The following CPLX2 variants were observed in gnomAD, a reference collection of about 807,000 sequenced individuals.
CPLX2 encodes the protein complexin-2.
CPLX2 carries 5 observed loss-of-function variants against 16.3 expected under a neutral mutation model. The ratio of observed to expected loss-of-function variants is 0.31; its 90% CI spans 0.16 to 0.64. The LOEUF is 0.64. Among genes scored for constraint, CPLX2 ranks in the 30% least tolerant of loss-of-function variants. The pLI is 0.79. For missense variants in CPLX2, 144 were observed against 181.4 expected (o/e 0.79, Z 1.18); for synonymous variants, 89 against 73.2 (o/e 1.22, Z -1.10).
At position 175,849,358 on chromosome 5, in the gene CPLX2, G is replaced by A. The variant is rs942650476; in HGVS notation, c.-88-29294G>A. 2.0e-5 allele frequency among the ~76,000 whole-genome samples: 3 copies of A among 152,200 alleles called. No homozygotes were observed. The highest frequency in any genetic ancestry group is 2.9e-5 in the Non-Finnish European group (2 of 68,042). On this transcript the variant is annotated intron_variant, in intron 2 of 4. Transcript: ENST00000359546. This position sits in a 1 kb window ranked among gnomAD's most constrained non-coding sequence, Gnocchi z 4.4. ...GTGAGTTTCGCAACACTGGACGTCC[G>A]TGTATACTTTCCTGGGACTGATGTC... is the stretch of plus-strand genomic sequence containing the variant.
At chr5:175,844,433 A>G (rs1759004606) in intron 2 of CPLX2, among the ~76,000 whole-genome samples, 1 of 152,258 alleles carries the variant, frequency 6.6e-6, no homozygotes, top group Non-Finnish European at 1.5e-5. Flanking sequence ...AGGGACAGAC[A>G]AGAGCCTGCT....
intron 1 of CPLX2, among the ~76,000 whole-genome samples, chr5:175,803,088 C>T (rs776843732): frequency 5.9e-5 from 9 of 152,064 alleles, no homozygotes; most frequent in East Asian, 1.9e-4. Context: ...TGCTGGGATC[C>T]GAAGTGCTGG....
At chr5:175,821,277 A>C (rs1465552) in intron 2 of CPLX2, among the ~76,000 whole-genome samples, 56 of 152,110 alleles carry the variant, frequency 3.7e-4, no homozygotes, top group African/African-American at 1.3e-3. Context: ...CTCCCTTCTC[A>C]GGCCTCCACC....
At chr5:175,827,120 G>A (rs1404382733) in intron 2 of CPLX2, among the ~76,000 whole-genome samples, 1 of 152,186 alleles carries the variant, frequency 6.6e-6, no homozygotes, top group Non-Finnish European at 1.5e-5. Context: ...AAAAGTTCCA[G>A]AACTGAGTCT....
At chr5:175,807,424 G>A (rs1335410741) in intron 1 of CPLX2, among the ~76,000 whole-genome samples, 1 of 152,206 alleles carries the variant, frequency 6.6e-6, no homozygotes, top group East Asian at 1.9e-4. Flanking sequence ...CCTGCACACA[G>A]GTGGCCCCAC....
At position 175,798,018 on chromosome 5, in the gene CPLX2, C is replaced by T. The variant is rs530006512; in HGVS notation, c.-169+1234C>T. Among the ~76,000 whole-genome samples the T allele has an allele frequency of 7.9e-5, 12 of 152,300 alleles. No homozygotes were observed. The East Asian group carries it at 2.3e-3, about 29-fold the overall frequency. ...CAAGGCCTAGGGGGCAGGGGTGATT[C>T]GCCCAAGGTCACTCAGCAATTTAGT... On this transcript the variant is annotated intron_variant, in intron 1 of 4. Coordinates refer to the CPLX2 transcript ENST00000359546.
Position 175,834,736 on chromosome 5 carries a change from T to C in CPLX2, c.-89+25668T>C, listed in dbSNP as rs185902513. 1.4e-4 allele frequency among the ~76,000 whole-genome samples: 21 copies of C among 152,280 alleles called. No homozygotes were observed. The East Asian group carries it at 2.5e-3, about 18-fold the overall frequency. On this transcript the variant is annotated intron_variant, in intron 2 of 4. Coordinates refer to the CPLX2 transcript ENST00000359546. Reference sequence around the variant, plus strand: ...AAAAATACAAAAAATTAGCCAGGCATCATGGCGGGAGTCTGTAGTCCCAGC... The same window carrying C: ...AAAAATACAAAAAATTAGCCAGGCACCATGGCGGGAGTCTGTAGTCCCAGC...
At chr5:175,800,510 G>A (rs1215971904) in intron 1 of CPLX2, among the ~76,000 whole-genome samples, 2 of 151,134 alleles carry the variant, frequency 1.3e-5, no homozygotes, top group East Asian at 1.9e-4. Flanking sequence ...CAAGTGCCTT[G>A]TTCTGGGAGT....
chr5:175,844,763 G>T (rs1204263116), intron 2 of CPLX2, among the ~76,000 whole-genome samples: 1 of 152,236 alleles, frequency 6.6e-6, no homozygotes, highest in African/African-American at 2.4e-5. Flanking sequence ...GTTTTTAAAA[G>T]CAGGGCGTGG....
intron 2 of CPLX2, among the ~76,000 whole-genome samples, chr5:175,832,294 C>T (rs1030011923): frequency 6.6e-6 from 1 of 152,166 alleles, no homozygotes; most frequent in Admixed American, 6.5e-5. Context: ...TCATTGAGCA[C>T]CATGCTTGCA....
Position 175,845,926 on chromosome 5 carries a change from C to A in CPLX2, c.-88-32726C>A, listed in dbSNP as rs1024862378. Among the ~76,000 whole-genome samples, 4 of 152,090 alleles carry A rather than the reference C, an allele frequency of 2.6e-5. No homozygotes were observed. The highest frequency in any genetic ancestry group is 5.9e-5 in the Non-Finnish European group (4 of 68,006). On this transcript the variant is annotated intron_variant, in intron 2 of 4. Coordinates refer to the CPLX2 transcript ENST00000359546. The surrounding 1 kb of genome is among the most constrained non-coding windows in gnomAD (Gnocchi z 4.0). ...CATTTGTGTTCCTCCTGGCTTCCAC[C>A]CCTCTGGCTTCATCCCCAGCAATCT...
In CPLX2 at chr5:175,851,955, G is replaced by T. The variant is rs77095886; in HGVS notation, c.-88-26697G>T. Among the ~76,000 whole-genome samples, 368 of 152,364 alleles carry T rather than the reference G, an allele frequency of 2.4e-3. 2 individuals are homozygous for T. Among genetic ancestry groups the T allele is most frequent in the Non-Finnish European group, 4.0e-3 (275 of 68,030 alleles). Reference sequence around the variant, plus strand: ...AGCCCTTCTCTTGGGCAGCCCCTGGGACGGGCTATTTCTGCACCGTGTTTC... The same window carrying T: ...AGCCCTTCTCTTGGGCAGCCCCTGGTACGGGCTATTTCTGCACCGTGTTTC... On this transcript the variant is annotated intron_variant, in intron 2 of 4. Coordinates refer to the CPLX2 transcript ENST00000359546.
chr5:175,832,080 TC>T (rs1470133204), intron 2 of CPLX2, among the ~76,000 whole-genome samples: 1 of 152,210 alleles, frequency 6.6e-6, no homozygotes, highest in Non-Finnish European at 1.5e-5. Context: ...ATTTATTCAT[TC>T]CTTTAGCAAA....
rs1229347235 is a variant in CPLX2 at position 175,809,039 on chromosome 5, C to T, written c.-118C>T. 2 of 152,454 alleles carry T rather than the reference C, an allele frequency of 1.3e-5. No homozygotes were observed. The highest frequency in any genetic ancestry group is 6.5e-5 in the Admixed American group (1 of 15,288). 9.4% of individuals were successfully genotyped at this position (152,454 alleles called of 1,614,324 possible). A position where few individuals can be genotyped will look rare whatever the true frequency, so the allele number is the denominator to read the frequency against. Reference sequence around the variant, plus strand: ...CTGCTCTGCTCAGCGACTGAAGGTGCCCGCATCCCAGCTCTGCCAGGAAGC... The same window carrying T: ...CTGCTCTGCTCAGCGACTGAAGGTGTCCGCATCCCAGCTCTGCCAGGAAGC... On this transcript the variant is annotated 5_prime_UTR_variant, in exon 2 of 5. Transcript: ENST00000359546. The surrounding 1 kb of genome is among the most constrained non-coding windows in gnomAD (Gnocchi z 4.4).
intron 2 of CPLX2, among the ~76,000 whole-genome samples, chr5:175,860,867 C>T (rs1759360550): frequency 1.3e-5 from 2 of 152,108 alleles, no homozygotes; most frequent in Non-Finnish European, 2.9e-5. Context: ...CCAGGCAACA[C>T]TAGACAGGTC....
chr5:175,851,526 C>G (rs1380667261), intron 2 of CPLX2, among the ~76,000 whole-genome samples: 1 of 152,232 alleles, frequency 6.6e-6, no homozygotes, highest in East Asian at 1.9e-4. Context: ...CAGACCTCAG[C>G]TTTCCCACCT....
chr5:175,868,160 A>G (rs192137025), upstream of CPLX2, among the ~76,000 whole-genome samples: 1 of 152,342 alleles, frequency 6.6e-6, no homozygotes, highest in East Asian at 1.9e-4. Flanking sequence ...GCTCCAGATC[A>G]GAGCTGGTGC....
chr5:175,829,887 C>T (rs571401526), intron 2 of CPLX2, among the ~76,000 whole-genome samples: 50 of 152,312 alleles, frequency 3.3e-4, no homozygotes, highest in African/African-American at 1.0e-3. Context: ...CACAAGGATG[C>T]GGGGTAAGCT....
chr5:175,837,213 CT>C (rs1356420560), intron 2 of CPLX2, among the ~76,000 whole-genome samples: 2 of 152,182 alleles, frequency 1.3e-5, no homozygotes, highest in African/African-American at 2.4e-5. Context: ...GTGCTTCCCC[CT>C]GACCTTCACT....
Sources: gnomAD v4.1 joint callset for allele counts (sites outside exome capture counted in the v4.1 genomes callset) on GRCh38, gnomAD v4.1.1 for gene constraint, Gnocchi (gnomAD v3.1) non-coding constraint, MANE v1.5 for transcripts, NCBI Gene and HGNC (gene_info 2026-07-23, HGNC 2026-07-21) for gene names.